SLC29A4: variants seen among roughly 807,000 people sequenced by gnomAD.
SLC29A4 encodes solute carrier family 29 member 4, also known as equilibrative nucleoside transporter 4.
Under a neutral mutation model 43.9 loss-of-function variants are expected in SLC29A4, and 36 were observed. The ratio of observed to expected loss-of-function variants is 0.82; its 90% CI spans 0.63 to 1.08. The LOEUF (loss-of-function observed/expected upper bound fraction) is 1.08. SLC29A4 is among the 50% of genes least tolerant of loss of function. SLC29A4 has a pLI of 0.00. For missense variants in SLC29A4, 869 were observed against 755.3 expected, an observed-to-expected ratio of 1.15 and a Z score of -1.77; for synonymous variants, 491 against 338.0, an observed-to-expected ratio of 1.45 and a Z score of -4.97.
At position 5,299,260 on chromosome 7, in the gene SLC29A4, G is replaced by C; in HGVS notation, c.1042G>C (p.Val348Leu). 3 of 1,612,236 alleles carry C rather than the reference G, an allele frequency of 1.9e-6. No homozygotes were observed. The highest frequency in any genetic ancestry group is 2.5e-6 in the Non-Finnish European group (3 of 1,179,932). The change falls in exon 9 of 11, where the codon GTG becomes CTG. Residue 348 changes from valine to leucine, a missense_variant. By Grantham distance (32) the Val-to-Leu change is conservative (BLOSUM62 1). Coordinates refer to ENST00000396872, the MANE Select transcript of SLC29A4 (RefSeq NM_153247.4). The part of the protein sequence containing the change: ...TFRALLLHRY[V>L]VARVIWADML... ...TCCAGCCCTGTTACTGCACCGCTAC[G>C]TGGTGGCGCGGGTGATCTGGGCCGA...
rs564654901 is a variant in SLC29A4 at position 5,297,064 on chromosome 7, C to A, written c.748C>A (p.Leu250Met). The part of the protein sequence containing the change: ...ALELLCFLLH[L>M]LVRRSRFVLF... ...GGAGCTGCTGTGTTTCCTGCTGCAC[C>A]TGTTAGTGCGGCGCAGCCGCTTCGT... Residue 250 changes from leucine to methionine, a missense_variant, in exon 7 of 11, where the codon CTG (leucine) becomes ATG (methionine). Leu to Met is a conservative substitution (Grantham distance 15, BLOSUM62 2). Coordinates refer to ENST00000396872, the MANE Select transcript of SLC29A4 (RefSeq NM_153247.4). 1.2e-6 allele frequency: 2 copies of A among 1,608,098 alleles called. No homozygotes were observed. Among genetic ancestry groups the A allele is most frequent in the Non-Finnish European group, 1.7e-6 (2 of 1,179,788 alleles).
chr7:5,289,607 CA>C (rs1175438218), intron 2 of SLC29A4, among the ~76,000 whole-genome samples: 13 of 152,074 alleles, frequency 8.5e-5, no homozygotes, highest in Admixed American at 8.5e-4. Context: ...ACTTTAATCG[CA>C]AAACGCCTTC....
At chr7:5,293,549 C>T (rs1347004983) in intron 5 of SLC29A4, among the ~76,000 whole-genome samples, 1 of 152,162 alleles carries the variant, frequency 6.6e-6, no homozygotes. Context: ...GCCCTGTAAA[C>T]ACGTGTGTGT....
Position 5,296,969 on chromosome 7 carries a change from T to G in SLC29A4, c.653T>G (p.Ile218Ser). The change falls in exon 7 of 11, where the codon ATC becomes AGC. Residue 218 changes from isoleucine (I) to serine (S), a missense_variant. Coordinates refer to ENST00000396872, the MANE Select transcript of SLC29A4 (RefSeq NM_153247.4). ...GGCGTGATGATCTCTCTGAGCCGCA[T>G]CCTCACGAAGCTGCTGCTGCCCGAC... The part of the protein sequence containing the change: ...TAGVMISLSR[I>S]LTKLLLPDER... The G allele has an allele frequency of 6.3e-7, 1 of 1,599,292 alleles. No homozygotes were observed. Among genetic ancestry groups the G allele is most frequent in the East Asian group, 2.2e-5 (1 of 44,806 alleles).
At chr7:5,285,220 AAGCCC>A (rs1368938697) in intron 1 of SLC29A4, among the ~76,000 whole-genome samples, 50 of 152,216 alleles carry the variant, frequency 3.3e-4, no homozygotes, top group Middle Eastern at 3.4e-3. Flanking sequence ...ACCCTCGTTC[AAGCCC>A]AGCCCAGCTC....
intron 6 of SLC29A4, among the ~76,000 whole-genome samples, chr7:5,295,672 C>T (rs11981689): frequency 0.018 from 2,679 of 152,304 alleles, 78 homozygotes; most frequent in African/African-American, 0.061. Context: ...AAGCCCAGGT[C>T]AAGACCCACT....
Position 5,306,300 on chromosome 7 carries a change from T to G in SLC29A4, c.*3361T>G, listed in dbSNP as rs1193130823. 1 of 150,214 alleles carries G rather than the reference T, an allele frequency of 6.7e-6. No individual in the cohort carries two copies. Among genetic ancestry groups the G allele is most frequent in the Non-Finnish European group, 1.5e-5 (1 of 67,660 alleles). The allele number at this position is 150,214 out of a possible 1,614,324, so 9.3% of individuals were successfully genotyped here. On this transcript the variant is annotated 3_prime_UTR_variant, in exon 11 of 11. Transcript: ENST00000396872. ...ACCTCCACCCGCCGGGTCCCTGTGA[T>G]TTTCCCACCTCAGCCTCCCGAGTAG...
rs551731386 is a variant in SLC29A4 at position 5,293,677 on chromosome 7, C to T, written c.545-1183C>T. On this transcript the variant is annotated intron_variant, in intron 5 of 10. Coordinates refer to ENST00000396872, the MANE Select transcript of SLC29A4 (RefSeq NM_153247.4). ...TTATTTTTTTAGAGGCAGGGTCTCA[C>T]TCTGTCGCCCAGGCTGGAGTGCAGT... Among the ~76,000 whole-genome samples, 21 of 152,264 alleles carry T rather than the reference C, an allele frequency of 1.4e-4. 1 individual carries two copies. The South Asian group carries it at 4.4e-3, about 32-fold the overall frequency.
Position 5,304,848 on chromosome 7 carries a change from G to C in SLC29A4, c.*1909G>C, listed in dbSNP as rs1432554287. On this transcript the variant is annotated 3_prime_UTR_variant, in exon 11 of 11. Coordinates refer to ENST00000396872, the MANE Select transcript of SLC29A4 (RefSeq NM_153247.4). ...TTCTTTCTTTACAAGACAGGCTCTCGCTCTGTCACTGAGGCTGGAGTGCAG... is the reference window on the plus strand; with the variant it reads ...TTCTTTCTTTACAAGACAGGCTCTCCCTCTGTCACTGAGGCTGGAGTGCAG... 1.3e-5 allele frequency: 2 copies of C among 151,434 alleles called. No individual in the cohort carries two copies. Among genetic ancestry groups the C allele is most frequent in the Non-Finnish European group, 2.9e-5 (2 of 67,906 alleles). 9.4% of individuals were successfully genotyped at this position (151,434 alleles called of 1,614,324 possible).
At chr7:5,285,734 G>C (rs1784903184) in intron 1 of SLC29A4, among the ~76,000 whole-genome samples, 1 of 152,222 alleles carries the variant, frequency 6.6e-6, no homozygotes, top group African/African-American at 2.4e-5. Context: ...AGGATGGGCT[G>C]AGCGCAGTGG....
chr7:5,296,847 G>C, intron 6 of SLC29A4, 89 bp from the exon 7 acceptor site: 1 of 1,384,284 alleles, frequency 7.2e-7, no homozygotes, highest in Non-Finnish European at 9.4e-7. Context: ...CGGTGGGGAG[G>C]GGTCTGTGTG....
chr7:5,296,130 C>T (rs1466066910), intron 6 of SLC29A4, among the ~76,000 whole-genome samples: 1 of 152,154 alleles, frequency 6.6e-6, no homozygotes, highest in Non-Finnish European at 1.5e-5. Flanking sequence ...AACACCCGTC[C>T]CCAGGCTGCA....
chr7:5,287,597 C>T (rs561184081), intron 1 of SLC29A4, among the ~76,000 whole-genome samples: 2 of 152,336 alleles, frequency 1.3e-5, no homozygotes. Context: ...GGTCACACAG[C>T]TGGGCTGAAA....
chr7:5,293,777 T>G (rs936239343), intron 5 of SLC29A4, among the ~76,000 whole-genome samples: 27 of 152,006 alleles, frequency 1.8e-4, no homozygotes, highest in Middle Eastern at 3.2e-3. Flanking sequence ...ATAGCTGGGA[T>G]TACAGGCACA....
chr7:5,295,487 A>G (rs1257753998), intron 6 of SLC29A4, among the ~76,000 whole-genome samples: 1 of 151,940 alleles, frequency 6.6e-6, no homozygotes, highest in Non-Finnish European at 1.5e-5. Flanking sequence ...CTTACATGAC[A>G]TCCGGCCCTT....
chr7:5,286,663 C>T (rs1414296826), intron 1 of SLC29A4, among the ~76,000 whole-genome samples: 1 of 152,262 alleles, frequency 6.6e-6, no homozygotes, highest in South Asian at 2.1e-4. Flanking sequence ...AAGGTCAGGG[C>T]TGGCAGATCC....
intron 6 of SLC29A4, among the ~76,000 whole-genome samples, chr7:5,295,414 C>A (rs924712360): frequency 2.6e-5 from 4 of 152,204 alleles, no homozygotes; most frequent in Admixed American, 2.0e-4. Flanking sequence ...GTCTCCTCCA[C>A]CCACCCTGCC....
intron 5 of SLC29A4, among the ~76,000 whole-genome samples, chr7:5,294,394 C>G (rs913378616): frequency 6.6e-6 from 1 of 152,142 alleles, no homozygotes; most frequent in Admixed American, 6.5e-5. Flanking sequence ...GGGGTTATTG[C>G]TGTATAACAA....
In SLC29A4 at chr7:5,303,051, G is replaced by C. The variant is rs1786284082; in HGVS notation, c.*112G>C. 2.3e-6 allele frequency: 3 copies of C among 1,284,354 alleles called. No homozygotes were observed. The highest frequency in any genetic ancestry group is 3.2e-6 in the Non-Finnish European group (3 of 940,050). The allele number at this position is 1,284,354 out of a possible 1,614,324, so 79.6% of individuals were successfully genotyped here. ...CCTGCGGGGCCCTGAGCCTCCCCCTGTGCCAGCAGCCCCACTCCCTCAGGG... is the reference window on the plus strand; with the variant it reads ...CCTGCGGGGCCCTGAGCCTCCCCCTCTGCCAGCAGCCCCACTCCCTCAGGG... On this transcript the variant is annotated 3_prime_UTR_variant, in exon 11 of 11. Coordinates refer to ENST00000396872, the MANE Select transcript of SLC29A4 (RefSeq NM_153247.4).
Sources: gnomAD v4.1 joint callset for allele counts (sites outside exome capture counted in the v4.1 genomes callset) on GRCh38, gnomAD v4.1.1 for gene constraint, MANE v1.5 for transcripts, NCBI Gene and HGNC (gene_info 2026-07-23, HGNC 2026-07-21) for gene names.